TASP1: variants seen among roughly 807,000 people sequenced by gnomAD.
The protein encoded by TASP1 is taspase 1.
A neutral mutation model predicts 56.6 loss-of-function variants in TASP1; 16 were observed. That is an observed-to-expected ratio of 0.28 (90% CI 0.19 to 0.43). The LOEUF (loss-of-function observed/expected upper bound fraction) is 0.43, where lower values mean the gene tolerates loss of function less well. Among genes scored for constraint, TASP1 ranks in the 20% least tolerant of loss-of-function variants. The pLI is 1.00. For synonymous variants in TASP1, 179 were observed against 184.2 expected (o/e 0.97, Z 0.23); for missense variants, 393 against 511.6 (o/e 0.77, Z 2.24).
chr20:13,256,389 C>G, the TASP1 span, among the ~76,000 whole-genome samples: 1 of 137,392 alleles, frequency 7.3e-6, no homozygotes, highest in Non-Finnish European at 1.5e-5. Flanking sequence ...GAGTGAGACC[C>G]CGTCTCAAAA....
At chr20:13,188,499 T>C in the TASP1 span, among the ~76,000 whole-genome samples, 1 of 151,944 alleles carries the variant, frequency 6.6e-6, no homozygotes, top group Non-Finnish European at 1.5e-5. Context: ...ATCTCTACAA[T>C]AAAAACTATA....
chr20:13,510,151 A>G (rs185316373), intron 10 of TASP1, among the ~76,000 whole-genome samples: 1 of 152,224 alleles, frequency 6.6e-6, no homozygotes, highest in African/African-American at 2.4e-5. Flanking sequence ...GACTTAAAAA[A>G]AAAACAGTAG....
chr20:13,582,763 T>A lies in TASP1; in HGVS notation c.404-1782A>T, dbSNP rs147191586. On this transcript the variant is annotated intron_variant, in intron 5 of 13. Transcript: ENST00000337743. ...TAAAAGCCTAGGAGTCAGACTACTT[T>A]GTAACTGTTCCAGTTAACCGGTTTA... is the stretch of plus-strand genomic sequence containing the variant. Among the ~76,000 whole-genome samples, 174 of 152,342 alleles carry A rather than the reference T, an allele frequency of 1.1e-3. 1 individual carries two copies. Among genetic ancestry groups the A allele is most frequent in the Middle Eastern group, 3.4e-3 (1 of 294 alleles).
At chr20:13,273,707 A>G in the TASP1 span, among the ~76,000 whole-genome samples, 1 of 152,224 alleles carries the variant, frequency 6.6e-6, no homozygotes, top group Non-Finnish European at 1.5e-5. Context: ...TTATTGGCCA[A>G]ATGGATTAAA....
At chr20:13,437,222 A>G (rs1240552534) in intron 11 of TASP1, among the ~76,000 whole-genome samples, 1 of 152,168 alleles carries the variant, frequency 6.6e-6, no homozygotes, top group African/African-American at 2.4e-5. Flanking sequence ...ATCAATAAAC[A>G]TAGTCCAGCA....
At chr20:13,436,186 G>T (rs933379811) in intron 11 of TASP1, among the ~76,000 whole-genome samples, 1 of 152,096 alleles carries the variant, frequency 6.6e-6, no homozygotes, top group African/African-American at 2.4e-5. Flanking sequence ...ATGCAAAAAG[G>T]TTCAGAAATT....
the TASP1 span, among the ~76,000 whole-genome samples, chr20:13,313,254 C>T: frequency 1.3e-5 from 2 of 152,338 alleles, no homozygotes; most frequent in South Asian, 2.1e-4. Context: ...TCCCCCCACA[C>T]GCACCTGTTA....
the TASP1 span, among the ~76,000 whole-genome samples, chr20:13,330,294 C>T: frequency 6.6e-6 from 1 of 152,132 alleles, no homozygotes; most frequent in Non-Finnish European, 1.5e-5. Context: ...TTGATATAGT[C>T]ATGTGGTTTT....
the TASP1 span, among the ~76,000 whole-genome samples, chr20:13,249,611 A>G: frequency 0.013 from 1,941 of 152,316 alleles, 50 homozygotes; most frequent in African/African-American, 0.043. Flanking sequence ...TTTACACCAC[A>G]GTCATAAAGT....
intron 13 of TASP1, among the ~76,000 whole-genome samples, chr20:13,412,928 C>T (rs1478536592): frequency 6.6e-6 from 1 of 152,052 alleles, no homozygotes; most frequent in Non-Finnish European, 1.5e-5. Context: ...CATATCATAT[C>T]ACAGGAAAGG....
intron 13 of TASP1, among the ~76,000 whole-genome samples, chr20:13,415,824 C>A (rs1309944345): frequency 6.6e-6 from 1 of 152,174 alleles, no homozygotes; most frequent in East Asian, 1.9e-4. Flanking sequence ...GGCTTCAGTG[C>A]TGACGTCCAC....
At chr20:13,421,930 T>C (rs2042447796) in intron 12 of TASP1, among the ~76,000 whole-genome samples, 1 of 152,010 alleles carries the variant, frequency 6.6e-6, no homozygotes, top group Non-Finnish European at 1.5e-5. Flanking sequence ...AATAACCTTA[T>C]TTTATATGTG....
chr20:13,312,294 C>A, the TASP1 span, among the ~76,000 whole-genome samples: 1 of 152,164 alleles, frequency 6.6e-6, no homozygotes. Context: ...TATGTGAGTT[C>A]ACAGTCGGCA....
At chr20:13,562,915 ATGTGTG>A (rs199844282) in intron 7 of TASP1, among the ~76,000 whole-genome samples, 2,784 of 128,658 alleles carry the variant, frequency 0.022, 33 homozygotes, top group Non-Finnish European at 0.027. Flanking sequence ...ACATATATAT[ATGTGTG>A]TGTGTGTGTG....
intron 9 of TASP1, 126 bp from the exon 10 acceptor site, chr20:13,528,637 AC>A: frequency 1.5e-6 from 1 of 680,790 alleles, no homozygotes; most frequent in Non-Finnish European, 2.4e-6. Context: ...AGGTGATAAT[AC>A]CAGATGTTGT....
chr20:13,151,224 C>T, the TASP1 span, among the ~76,000 whole-genome samples: 1 of 152,210 alleles, frequency 6.6e-6, no homozygotes, highest in Non-Finnish European at 1.5e-5. Flanking sequence ...ACTCTTACTA[C>T]CAACTAAAGT....
At chr20:13,399,211 A>T (rs1280593699) in intron 13 of TASP1, among the ~76,000 whole-genome samples, 1 of 151,980 alleles carries the variant, frequency 6.6e-6, no homozygotes, top group Non-Finnish European at 1.5e-5. Flanking sequence ...ATAAGTACAA[A>T]ATTTCCCCAG....
chr20:13,121,846 T>A, the TASP1 span, among the ~76,000 whole-genome samples: 28,030 of 152,096 alleles, frequency 0.18, 3,053 homozygotes, highest in Middle Eastern at 0.33. Context: ...GGCAAGATAG[T>A]CTTAACATTA....
chr20:13,524,505 G>T (rs533562198), intron 10 of TASP1, among the ~76,000 whole-genome samples: 1 of 151,968 alleles, frequency 6.6e-6, no homozygotes, highest in Non-Finnish European at 1.5e-5. Context: ...TTTGTATACC[G>T]GGCACTTACC....
Sources: allele counts gnomAD v4.1 joint callset (sites outside exome capture counted in the v4.1 genomes callset), GRCh38; gene constraint gnomAD v4.1.1; transcripts MANE v1.5; gene names NCBI Gene and HGNC (gene_info 2026-07-23, HGNC 2026-07-21).